The following PRKN variants were observed in gnomAD, a reference collection of about 807,000 sequenced individuals.
PRKN encodes E3 ubiquitin-protein ligase parkin.
A neutral mutation model predicts 59.5 loss-of-function variants in PRKN; 56 were observed. The ratio of observed to expected loss-of-function variants is 0.94; its 90% confidence interval spans 0.76 to 1.18. The LOEUF (loss-of-function observed/expected upper bound fraction) is 1.18, where lower values mean the gene tolerates loss of function less well. Ranked by LOEUF, PRKN falls within the 50% of genes most tolerant of loss-of-function variation. The pLI, the probability that PRKN is intolerant of heterozygous loss-of-function variation, is 0.00. For synonymous variants in PRKN, 250 were observed against 222.1 expected (o/e 1.13, Z -1.12); for missense variants, 657 against 596.4 (o/e 1.10, Z -1.06).
In PRKN at chr6:161,771,269, T is replaced by C. The variant is rs568459658; in HGVS notation, c.871+14503A>G. Among the ~76,000 whole-genome samples the C allele has an allele frequency of 8.7e-3, 1,307 of 149,568 alleles. 10 individuals are homozygous for C. Among genetic ancestry groups the C allele is most frequent in the Non-Finnish European group, 0.014 (955 of 67,654 alleles). On this transcript the variant is annotated intron_variant, in intron 7 of 11. Coordinates refer to ENST00000366898, the MANE Select transcript of PRKN (RefSeq NM_004562.3). Reference sequence around the variant, plus strand: ...TACTCAGGAGGCTGAGGCAGGAGAATGGTGTGAAATTGGGAGGCAGAGCTT... The same window carrying C: ...TACTCAGGAGGCTGAGGCAGGAGAACGGTGTGAAATTGGGAGGCAGAGCTT...
chr6:161,430,835 A>AAG (rs1788609466), intron 9 of PRKN, among the ~76,000 whole-genome samples: 1 of 148,424 alleles, frequency 6.7e-6, no homozygotes, highest in African/African-American at 2.5e-5. Context: ...AAAAAAAAAA[A>AAG]AAAGAAATAC....
intron 9 of PRKN, among the ~76,000 whole-genome samples, chr6:161,491,230 C>G (rs977267639): frequency 2.0e-5 from 3 of 152,072 alleles, no homozygotes; most frequent in African/African-American, 7.2e-5. Context: ...TTCGTATGGA[C>G]AGTTGGGTAG....
intron 4 of PRKN, among the ~76,000 whole-genome samples, chr6:162,097,812 G>A (rs898332545): frequency 3.9e-5 from 6 of 152,220 alleles, no homozygotes; most frequent in African/African-American, 1.4e-4. Context: ...GAATTACAAT[G>A]TTGACACGTG....
intron 1 of PRKN, among the ~76,000 whole-genome samples, chr6:162,479,269 G>C (rs569635406): frequency 6.6e-6 from 1 of 150,814 alleles, no homozygotes; most frequent in Non-Finnish European, 1.5e-5. Flanking sequence ...TCTGTTGCCC[G>C]GGTTGGAGTG....
chr6:162,691,502 C>T (rs963606377), intron 1 of PRKN, among the ~76,000 whole-genome samples: 1 of 151,950 alleles, frequency 6.6e-6, no homozygotes, highest in Non-Finnish European at 1.5e-5. Flanking sequence ...TTATATGTAC[C>T]TCCCATTCTG....
At chr6:162,569,987 T>A (rs9347668) in intron 1 of PRKN, among the ~76,000 whole-genome samples, 46,780 of 152,076 alleles carry the variant, frequency 0.31, 7,657 homozygotes, top group East Asian at 0.49. Context: ...TTCTGCACAG[T>A]AAAAGGATAC....
At chr6:162,280,527 A>T (rs1780845411) in intron 2 of PRKN, among the ~76,000 whole-genome samples, 2 of 151,986 alleles carry the variant, frequency 1.3e-5, no homozygotes. Context: ...ATGGTGGCTC[A>T]CTCCTCTAAT....
chr6:162,707,776 T>C (rs1477718417), intron 1 of PRKN, among the ~76,000 whole-genome samples: 1 of 152,196 alleles, frequency 6.6e-6, no homozygotes, highest in Non-Finnish European at 1.5e-5. Context: ...GGTTTCACCA[T>C]GTTGGCCAAG....
At chr6:161,904,361 G>A (rs1778056261) in intron 6 of PRKN, among the ~76,000 whole-genome samples, 1 of 142,104 alleles carries the variant, frequency 7.0e-6, no homozygotes, top group Non-Finnish European at 1.5e-5. Flanking sequence ...TGTTGCCCAG[G>A]CTGGAGTGCA....
At position 161,533,506 on chromosome 6, in the gene PRKN, C is replaced by T. The variant is rs552483752; in HGVS notation, c.1083+15348G>A. On this transcript the variant is annotated intron_variant, in intron 9 of 11. Transcript: ENST00000366898. The surrounding 1 kb of genome is among the most constrained non-coding windows in gnomAD (Gnocchi z 4.1). ...CTCCATCTTCTCTTTTTGCCAGCCA[C>T]GTGTCCAGTAAGGAGCAGACAAGAT... Among the ~76,000 whole-genome samples the T allele has an allele frequency of 2.0e-5, 3 of 152,236 alleles. No homozygotes were observed. The highest frequency in any genetic ancestry group is 2.1e-4 in the South Asian group (1 of 4,828).
At chr6:161,996,066 A>G (rs1781828367) in intron 5 of PRKN, among the ~76,000 whole-genome samples, 1 of 152,152 alleles carries the variant, frequency 6.6e-6, no homozygotes, top group Non-Finnish European at 1.5e-5. Flanking sequence ...GGAAATCAGC[A>G]TATCAAAGGG....
intron 4 of PRKN, among the ~76,000 whole-genome samples, chr6:162,117,358 C>T (rs940379203): frequency 3.9e-5 from 6 of 152,320 alleles, no homozygotes; most frequent in East Asian, 1.9e-4. Flanking sequence ...AGGCTTTCGC[C>T]GAAGGGCCTA....
intron 6 of PRKN, among the ~76,000 whole-genome samples, chr6:161,855,353 T>C (rs1793608932): frequency 1.3e-5 from 2 of 152,304 alleles, no homozygotes; most frequent in East Asian, 3.9e-4. Context: ...AACCTACCCT[T>C]ATTTCTTTTA....
At position 161,499,132 on chromosome 6, in the gene PRKN, A is replaced by ACAC. The variant is rs1554267941; in HGVS notation, c.1083+49721_1083+49722insGTG. On this transcript the variant is annotated intron_variant, in intron 9 of 11. Transcript: ENST00000366898. The surrounding 1 kb of genome is among the most constrained non-coding windows in gnomAD (Gnocchi z 4.2). ...AGGGTCTGGACACACACACACACAC[A>ACAC]TTTTTTTTTTTTTTTTGGCTCACAG... Among the ~76,000 whole-genome samples the ACAC allele has an allele frequency of 7.3e-6, 1 of 136,562 alleles. No homozygotes were observed. Among genetic ancestry groups the ACAC allele is most frequent in the Non-Finnish European group, 1.6e-5 (1 of 63,808 alleles). The allele number at this position is 136,562 out of a possible 152,430, so 89.6% of individuals were successfully genotyped here.
chr6:161,714,245 C>T (rs1035622169), intron 7 of PRKN, among the ~76,000 whole-genome samples: 2 of 152,126 alleles, frequency 1.3e-5, no homozygotes, highest in African/African-American at 4.8e-5. Flanking sequence ...CACCATAAGG[C>T]TTAGAAGGGA....
intron 3 of PRKN, among the ~76,000 whole-genome samples, chr6:162,227,713 C>G (rs1247420092): frequency 6.6e-6 from 1 of 152,126 alleles, no homozygotes; most frequent in South Asian, 2.1e-4. Context: ...AATGCACTAG[C>G]CTTCTACCAT....
chr6:161,530,448 C>G lies in PRKN; in HGVS notation c.1083+18406G>C, dbSNP rs1779161158. Among the ~76,000 whole-genome samples the G allele has an allele frequency of 6.6e-6, 1 of 152,126 alleles. No homozygotes were observed. The highest frequency in any genetic ancestry group is 1.5e-5 in the Non-Finnish European group (1 of 68,020). ...TCCATTTTCTTAACTGCTCTGGAGA[C>G]CAGCAGGAATTGGAGCAGCCTCATT... On this transcript the variant is annotated intron_variant, in intron 9 of 11. Coordinates refer to ENST00000366898, the MANE Select transcript of PRKN (RefSeq NM_004562.3). The surrounding 1 kb of genome is among the most constrained non-coding windows in gnomAD (Gnocchi z 5.0).
chr6:162,226,083 AATAATAATAATAAT>A (rs1294952491), intron 3 of PRKN, among the ~76,000 whole-genome samples: 4 of 114,254 alleles, frequency 3.5e-5, no homozygotes, highest in African/African-American at 4.0e-5. Context: ...TAATAATAAT[AATAATAATAATAAT>A]AAAATTAGAT....
chr6:162,495,447 G>C (rs1053206946), intron 1 of PRKN, among the ~76,000 whole-genome samples: 32 of 152,216 alleles, frequency 2.1e-4, no homozygotes, highest in Admixed American at 3.9e-4. Flanking sequence ...GTGGCTGGGG[G>C]AGGGAGGTGA....
Sources: allele counts gnomAD v4.1 joint callset (sites outside exome capture counted in the v4.1 genomes callset), GRCh38; gene constraint gnomAD v4.1.1; non-coding constraint Gnocchi (gnomAD v3.1); transcripts MANE v1.5; gene names NCBI Gene and HGNC (gene_info 2026-07-23, HGNC 2026-07-21).